Variants in KLHL7 observed in about 807,000 individuals in gnomAD.
KLHL7 encodes the protein kelch-like protein 7.
KLHL7 carries 44 observed loss-of-function variants against 67.4 expected under a neutral mutation model. That is an observed-to-expected ratio of 0.65 (90% CI 0.51 to 0.84). The LOEUF (loss-of-function observed/expected upper bound fraction) is 0.84, where lower values mean the gene tolerates loss of function less well. Among genes scored for constraint, KLHL7 ranks in the 40% least tolerant of loss-of-function variants. The pLI, the probability that KLHL7 is intolerant of heterozygous loss-of-function variation, is 0.00. For missense variants in KLHL7, 362 were observed against 718.1 expected (o/e 0.50, Z 5.67); for synonymous variants, 252 against 243.3 (o/e 1.04, Z -0.33).
intron 9 of KLHL7, 108 bp downstream of exon 9, chr7:23,168,145 A>G: frequency 9.8e-7 from 1 of 1,017,558 alleles, no homozygotes; most frequent in Non-Finnish European, 1.5e-6. Context: ...TCCTTGAGTG[A>G]AGAGTGTATA....
Position 23,175,566 on chromosome 7 carries a change from AG to A in KLHL7, c.*1270del, listed in dbSNP as rs1202599214. On this transcript the variant is annotated 3_prime_UTR_variant, in exon 11 of 11. Coordinates refer to ENST00000339077, the MANE Select transcript of KLHL7 (RefSeq NM_001031710.3). The stretch of plus-strand genomic sequence containing the variant: ...AAAATGTTTAAATCAAAAAGGAATT[AG>A]GAAAAACATAATGATAGGTATATTT... 2.5e-5 allele frequency: 8 copies of A among 325,674 alleles called. No individual in the cohort carries two copies. 20.2% of individuals were successfully genotyped at this position (325,674 alleles called of 1,614,324 possible). A position where few individuals can be genotyped will look rare whatever the true frequency, so the allele number is the denominator to read the frequency against.
chr7:23,118,882 G>T (rs1469845371), intron 1 of KLHL7, among the ~76,000 whole-genome samples: 1 of 151,842 alleles, frequency 6.6e-6, no homozygotes, highest in African/African-American at 2.4e-5. Context: ...GACCAGCCTG[G>T]GCAACACAGT....
chr7:23,141,599 C>T (rs758666849), intron 5 of KLHL7, among the ~76,000 whole-genome samples: 3 of 151,884 alleles, frequency 2.0e-5, no homozygotes, highest in Non-Finnish European at 2.9e-5. Flanking sequence ...GGTGGGAGAA[C>T]ACTTTATTTA....
At chr7:23,166,263 T>G (rs138595700) in intron 8 of KLHL7, among the ~76,000 whole-genome samples, 146 of 152,344 alleles carry the variant, frequency 9.6e-4, no homozygotes, top group African/African-American at 3.4e-3. Flanking sequence ...GAGTTCAACT[T>G]ATAGACTCTT....
chr7:23,134,495 CTT>C (rs771294940), intron 4 of KLHL7, among the ~76,000 whole-genome samples: 2 of 152,096 alleles, frequency 1.3e-5, no homozygotes, highest in Non-Finnish European at 2.9e-5. Context: ...ATTCCCCCCT[CTT>C]CTGTTTTTTT....
At chr7:23,159,944 C>T (rs751756045) in intron 7 of KLHL7, among the ~76,000 whole-genome samples, 1 of 152,142 alleles carries the variant, frequency 6.6e-6, no homozygotes, top group Non-Finnish European at 1.5e-5. Flanking sequence ...CTCCTTCACT[C>T]CTCTGTCAGA....
intron 6 of KLHL7, among the ~76,000 whole-genome samples, chr7:23,146,204 G>A (rs565479164): frequency 9.2e-5 from 14 of 152,284 alleles, no homozygotes; most frequent in African/African-American, 3.1e-4. Context: ...TCGTTTGTTC[G>A]GTATTTTAGA....
chr7:23,172,688 G>A (rs192131547), intron 9 of KLHL7: 76 of 303,806 alleles, frequency 2.5e-4, no homozygotes, highest in African/African-American at 7.8e-4. Flanking sequence ...CTCTAAAAAC[G>A]TGTTTTTTAA....
chr7:23,133,588 C>T (rs927480857), intron 4 of KLHL7, among the ~76,000 whole-genome samples: 1 of 151,972 alleles, frequency 6.6e-6, no homozygotes, highest in African/African-American at 2.4e-5. Context: ...CATGCCACCA[C>T]ACCTGACTAA....
rs1017572686 is a variant in KLHL7, at chr7:23,177,008, G to C, written c.*2710G>C. ...TACAAACAAAAAAAGGACAACATAG[G>C]GCCCGCAATCCAGTATGACCTTATT... On this transcript the variant is annotated 3_prime_UTR_variant, in exon 11 of 11. Transcript: ENST00000339077. The C allele has an allele frequency of 6.6e-6, 1 of 151,942 alleles. No homozygotes were observed. The highest frequency in any genetic ancestry group is 2.4e-5 in the African/African-American group (1 of 41,366). 9.4% of individuals were successfully genotyped at this position (151,942 alleles called of 1,614,324 possible).
At chr7:23,106,602 C>G (rs2128454885) in intron 1 of KLHL7, 1 of 1,039,304 alleles carries the variant, frequency 9.6e-7, no homozygotes, top group Non-Finnish European at 1.2e-6. Context: ...GATCCCCGCC[C>G]CCTCCTGTGT....
chr7:23,156,094 A>T (rs1784698063), intron 7 of KLHL7: 2 of 389,350 alleles, frequency 5.1e-6, no homozygotes, highest in South Asian at 3.9e-5. Context: ...AGTCATTCCT[A>T]ATTGCACTTT....
intron 1 of KLHL7, among the ~76,000 whole-genome samples, chr7:23,107,563 A>T (rs932216327): frequency 2.0e-5 from 3 of 152,234 alleles, no homozygotes; most frequent in African/African-American, 7.2e-5. Context: ...GGAGCAGAGG[A>T]TTATCTGAGA....
intron 9 of KLHL7, among the ~76,000 whole-genome samples, chr7:23,169,097 C>A (rs1271268317): frequency 6.6e-6 from 1 of 151,978 alleles, no homozygotes; most frequent in African/African-American, 2.4e-5. Context: ...CCCGTCTCTA[C>A]TAAAAATACA....
chr7:23,173,302 G>A lies in KLHL7; in HGVS notation c.1477+257G>A, dbSNP rs1002942285. Among the ~76,000 whole-genome samples, 72 of 152,114 alleles carry A rather than the reference G, an allele frequency of 4.7e-4. 1 individual carries two copies. The highest frequency in any genetic ancestry group is 3.9e-4 in the Admixed American group (6 of 15,276). ...TCCTATACATTCCCAGATACCTCCT[G>A]GGGAATGATGTCGCACCAGCTTAAG... is the stretch of plus-strand genomic sequence containing the variant. On this transcript the variant is annotated intron_variant, in intron 10 of 10. Transcript: ENST00000339077.
intron 7 of KLHL7, among the ~76,000 whole-genome samples, chr7:23,164,591 G>A (rs941364145): frequency 2.0e-5 from 3 of 149,540 alleles, no homozygotes; most frequent in Admixed American, 6.6e-5. Context: ...AGTAACCTAC[G>A]GGGATATTAA....
At chr7:23,115,984 C>T (rs1294465244) in intron 1 of KLHL7, among the ~76,000 whole-genome samples, 2 of 152,032 alleles carry the variant, frequency 1.3e-5, no homozygotes, top group East Asian at 1.9e-4. Flanking sequence ...TTTTTTGAAC[C>T]CTATGTTCCT....
rs1366232475 is a variant in KLHL7 at position 23,105,955 on chromosome 7, C to T, written c.-72C>T. 6.4e-7 allele frequency: 1 copy of T among 1,570,192 alleles called. No individual in the cohort carries two copies. Among genetic ancestry groups the T allele is most frequent in the African/African-American group, 1.3e-5 (1 of 74,550 alleles). ...ATCGCCGTGTTTGGTCGATAGAATCCCCAGTGTGCCCAGAGAGTGCGACCC... is the reference window on the plus strand; with the variant it reads ...ATCGCCGTGTTTGGTCGATAGAATCTCCAGTGTGCCCAGAGAGTGCGACCC... On this transcript the variant is annotated 5_prime_UTR_variant, in exon 1 of 11. Coordinates refer to ENST00000339077, the MANE Select transcript of KLHL7 (RefSeq NM_001031710.3).
chr7:23,120,760 C>T (rs1783301413), intron 1 of KLHL7, among the ~76,000 whole-genome samples: 1 of 152,068 alleles, frequency 6.6e-6, no homozygotes, highest in Non-Finnish European at 1.5e-5. Context: ...GAGTCAGGGT[C>T]TCACTATGTT....
Sources: allele counts gnomAD v4.1 joint callset (sites outside exome capture counted in the v4.1 genomes callset), GRCh38; gene constraint gnomAD v4.1.1; transcripts MANE v1.5; gene names NCBI Gene and HGNC (gene_info 2026-07-23, HGNC 2026-07-21).